The following SLC24A2 variants were observed in gnomAD, a reference collection of about 807,000 sequenced individuals.
SLC24A2 encodes solute carrier family 24 member 2.
A neutral mutation model predicts 62.0 loss-of-function variants in SLC24A2; 36 were observed. The ratio of observed to expected loss-of-function variants is 0.58; its 90% confidence interval spans 0.44 to 0.77. SLC24A2 has a LOEUF of 0.77. SLC24A2 is among the 30% of genes least tolerant of loss of function. The pLI is 0.00. For missense variants in SLC24A2, 846 were observed against 817.9 expected (o/e 1.03, Z -0.42); for synonymous variants, 358 against 294.0 (o/e 1.22, Z -2.23).
At chr9:20,200,983 A>G in the SLC24A2 span, among the ~76,000 whole-genome samples, 3 of 152,242 alleles carry the variant, frequency 2.0e-5, no homozygotes, top group Non-Finnish European at 4.4e-5. Context: ...ATCACAAAAT[A>G]CAGCCCAGGA....
the SLC24A2 span, among the ~76,000 whole-genome samples, chr9:19,850,971 A>G: frequency 6.6e-4 from 31 of 46,998 alleles, 1 homozygote; most frequent in Non-Finnish European, 7.6e-4. Flanking sequence ...ATATATGTAT[A>G]TATATATATA....
the SLC24A2 span, among the ~76,000 whole-genome samples, chr9:19,934,585 G>A: frequency 2.0e-5 from 3 of 152,182 alleles, no homozygotes; most frequent in African/African-American, 4.8e-5. The surrounding 1 kb of genome is among the most constrained non-coding windows in gnomAD (Gnocchi z 4.1). Flanking sequence ...GCCAGGCAGC[G>A]TGCACAGCAG....
chr9:20,262,387 C>T, the SLC24A2 span, among the ~76,000 whole-genome samples: 1 of 152,214 alleles, frequency 6.6e-6, no homozygotes, highest in South Asian at 2.1e-4. Flanking sequence ...TACATGAGGA[C>T]TGAAGACCAA....
At chr9:19,651,751 A>C (rs1818807911) in intron 2 of SLC24A2, among the ~76,000 whole-genome samples, 1 of 152,202 alleles carries the variant, frequency 6.6e-6, no homozygotes, top group African/African-American at 2.4e-5. Flanking sequence ...AGCTAAGATT[A>C]GGATTGAGGG....
chr9:20,230,079 C>T, the SLC24A2 span, among the ~76,000 whole-genome samples: 2 of 152,106 alleles, frequency 1.3e-5, no homozygotes, highest in African/African-American at 4.8e-5. Context: ...TTTTTTATGG[C>T]TGCATAGTAT....
chr9:19,647,316 A>G (rs1193538557), intron 2 of SLC24A2, among the ~76,000 whole-genome samples: 1 of 152,160 alleles, frequency 6.6e-6, no homozygotes, highest in East Asian at 1.9e-4. Context: ...TTTTTTCTAA[A>G]TCTCAGAGAA....
the SLC24A2 span, among the ~76,000 whole-genome samples, chr9:19,849,259 T>C: frequency 4.5e-4 from 69 of 152,290 alleles, no homozygotes; most frequent in Non-Finnish European, 9.3e-4. Flanking sequence ...TTAAGAAAAC[T>C]CTTAATTGCT....
the SLC24A2 span, among the ~76,000 whole-genome samples, chr9:20,261,787 T>C: frequency 1.6e-5 from 2 of 125,778 alleles, no homozygotes; most frequent in East Asian, 5.9e-4. Flanking sequence ...TCACTCAGAC[T>C]GGAGTGCAGT....
chr9:19,590,038 G>A (rs1000327693), intron 5 of SLC24A2, among the ~76,000 whole-genome samples: 3 of 152,150 alleles, frequency 2.0e-5, no homozygotes, highest in Non-Finnish European at 2.9e-5. Context: ...ATTTAGGAAG[G>A]CTGATGTGCT....
chr9:20,116,404 GA>G, the SLC24A2 span, among the ~76,000 whole-genome samples: 1 of 152,122 alleles, frequency 6.6e-6, no homozygotes, highest in Non-Finnish European at 1.5e-5. Flanking sequence ...TGGGCATTCT[GA>G]TAGAGGGTGC....
chr9:19,636,315 T>TTCCTTCCTTTC (rs1818326324), intron 2 of SLC24A2, among the ~76,000 whole-genome samples: 1 of 40,328 alleles, frequency 2.5e-5, no homozygotes, highest in Admixed American at 2.7e-4. Context: ...TTTTCTTTTC[T>TTCCTTCCTTTC]TTTCTTTCTT....
chr9:19,680,529 C>T (rs1477986821), intron 2 of SLC24A2, among the ~76,000 whole-genome samples: 1 of 62,766 alleles, frequency 1.6e-5, no homozygotes, highest in African/African-American at 3.1e-5. Flanking sequence ...AACTTTCGCT[C>T]ATTAAAATGG....
the SLC24A2 span, among the ~76,000 whole-genome samples, chr9:20,044,884 A>G: frequency 3.3e-5 from 5 of 152,126 alleles, no homozygotes. Flanking sequence ...AGAGTGACTC[A>G]GCACAGGGTG....
the SLC24A2 span, among the ~76,000 whole-genome samples, chr9:20,177,795 C>G: frequency 6.6e-6 from 1 of 152,078 alleles, no homozygotes; most frequent in African/African-American, 2.4e-5. Context: ...TACTATTATA[C>G]TATTTACACT....
At chr9:20,196,069 T>C in the SLC24A2 span, among the ~76,000 whole-genome samples, 1 of 152,202 alleles carries the variant, frequency 6.6e-6, no homozygotes, top group Admixed American at 6.5e-5. Flanking sequence ...AACGTTCATC[T>C]ATGACAAAGC....
At chr9:19,842,740 G>T in the SLC24A2 span, among the ~76,000 whole-genome samples, 1 of 152,122 alleles carries the variant, frequency 6.6e-6, no homozygotes, top group Admixed American at 6.6e-5. Flanking sequence ...TAGCTGTATT[G>T]TATATATTGT....
chr9:20,270,185 C>A, the SLC24A2 span, among the ~76,000 whole-genome samples: 1 of 152,120 alleles, frequency 6.6e-6, no homozygotes, highest in African/African-American at 2.4e-5. Context: ...CATAAGGGAT[C>A]CAACCCCATG....
At chr9:19,951,653 A>G in the SLC24A2 span, among the ~76,000 whole-genome samples, 1 of 152,118 alleles carries the variant, frequency 6.6e-6, no homozygotes, top group African/African-American at 2.4e-5. Context: ...AATTGGCCAT[A>G]AAAAGATTTA....
chr9:20,101,362 A>G, the SLC24A2 span, among the ~76,000 whole-genome samples: 3 of 152,370 alleles, frequency 2.0e-5, no homozygotes, highest in Admixed American at 6.5e-5. Context: ...CTGTAGTGCA[A>G]TAACATGAGA....
Sources: allele counts gnomAD v4.1 joint callset (sites outside exome capture counted in the v4.1 genomes callset), GRCh38; gene constraint gnomAD v4.1.1; non-coding constraint Gnocchi (gnomAD v3.1); transcripts MANE v1.5; gene names NCBI Gene and HGNC (gene_info 2026-07-23, HGNC 2026-07-21).